The following TOX3 variants were observed in gnomAD, a reference collection of about 807,000 sequenced individuals.
TOX3 encodes the protein TOX high mobility group box family member 3, also known as CAG trinucleotide repeat-containing gene F9 protein.
TOX3 carries 22 observed loss-of-function variants against 64.3 expected under a neutral mutation model. The ratio of observed to expected loss-of-function variants is 0.34; its 90% CI spans 0.24 to 0.49. The LOEUF (loss-of-function observed/expected upper bound fraction) is 0.49. Ranked by LOEUF, TOX3 falls within the 20% of genes least tolerant of loss-of-function variation. The probability of loss-of-function intolerance (pLI) is 0.99; values close to 1 mark genes in which losing one functional copy is unlikely to be tolerated. For synonymous variants in TOX3, 291 were observed against 273.6 expected, an observed-to-expected ratio of 1.06 and a Z score of -0.63; for missense variants, 661 against 714.4, an observed-to-expected ratio of 0.93 and a Z score of 0.85.
intron 1 of TOX3, among the ~76,000 whole-genome samples, chr16:52,489,717 C>G (rs1364664339): frequency 6.6e-6 from 1 of 152,168 alleles, no homozygotes; most frequent in African/African-American, 2.4e-5. Flanking sequence ...GGATGACTTA[C>G]TACCAACTTA....
At chr16:52,468,059 T>C (rs1450614654) in intron 2 of TOX3, among the ~76,000 whole-genome samples, 1 of 152,166 alleles carries the variant, frequency 6.6e-6, no homozygotes, top group Non-Finnish European at 1.5e-5. Flanking sequence ...GAAACTATAA[T>C]ACTCTTCTGT....
intron 1 of TOX3, among the ~76,000 whole-genome samples, chr16:52,533,034 A>G (rs1962882669): frequency 6.6e-6 from 1 of 152,228 alleles, no homozygotes; most frequent in Non-Finnish European, 1.5e-5. Context: ...TAACGTAACA[A>G]GGAATAGAAG....
At chr16:52,512,847 C>T (rs1007493127) in intron 1 of TOX3, among the ~76,000 whole-genome samples, 3 of 152,022 alleles carry the variant, frequency 2.0e-5, no homozygotes, top group Non-Finnish European at 4.4e-5. Flanking sequence ...GAAAAGAAGG[C>T]TTAAACAAAG....
chr16:52,442,518 T>C (rs1227563506), intron 6 of TOX3, among the ~76,000 whole-genome samples: 1 of 152,220 alleles, frequency 6.6e-6, no homozygotes, highest in East Asian at 1.9e-4. Context: ...CAGTCCTCAC[T>C]ATCGTGGAGG....
chr16:52,539,883 G>T (rs144735353), intron 1 of TOX3, among the ~76,000 whole-genome samples: 1 of 152,088 alleles, frequency 6.6e-6, no homozygotes, highest in East Asian at 1.9e-4. Flanking sequence ...CTTCCAGTCG[G>T]GAGGTTCTGT....
intron 1 of TOX3, among the ~76,000 whole-genome samples, chr16:52,542,794 C>A (rs894463764): frequency 2.0e-5 from 3 of 152,082 alleles, no homozygotes; most frequent in Non-Finnish European, 4.4e-5. Context: ...CAATCAAATT[C>A]CCCCCAATAT....
intron 1 of TOX3, among the ~76,000 whole-genome samples, chr16:52,511,665 T>C (rs528999217): frequency 5.6e-4 from 85 of 152,334 alleles, no homozygotes; most frequent in Middle Eastern, 3.4e-3. Context: ...AGCATTTTTC[T>C]TTTTGTGTGT....
At chr16:52,469,996 C>T (rs1231623399) in intron 1 of TOX3, among the ~76,000 whole-genome samples, 1 of 152,150 alleles carries the variant, frequency 6.6e-6, no homozygotes. Context: ...GAGCACTCAG[C>T]TTCATTTAGG....
intron 3 of TOX3, among the ~76,000 whole-genome samples, chr16:52,456,830 G>C (rs1960532146): frequency 6.6e-6 from 1 of 152,046 alleles, no homozygotes; most frequent in African/African-American, 2.4e-5. Context: ...TGGATACTGG[G>C]GCCTGCCTAA....
intron 1 of TOX3, among the ~76,000 whole-genome samples, chr16:52,486,433 A>G (rs963201000): frequency 6.6e-6 from 1 of 152,228 alleles, no homozygotes; most frequent in Non-Finnish European, 1.5e-5. Flanking sequence ...ACACTTTGGT[A>G]TTTATCAAAA....
intron 1 of TOX3, among the ~76,000 whole-genome samples, chr16:52,505,224 A>C (rs1490502466): frequency 6.6e-6 from 1 of 152,146 alleles, no homozygotes; most frequent in Non-Finnish European, 1.5e-5. Flanking sequence ...GATTCCCTGA[A>C]CCTTCTCATT....
intron 4 of TOX3, among the ~76,000 whole-genome samples, chr16:52,450,053 C>T (rs1214315545): frequency 1.3e-5 from 2 of 152,178 alleles, no homozygotes; most frequent in African/African-American, 4.8e-5. Flanking sequence ...ATGTCCAATG[C>T]CTTACAGCTA....
At position 52,437,789 on chromosome 16, in the gene TOX3, T is replaced by TAAAAAAAAAA. The variant is rs67145443; in HGVS notation, c.*1426_*1435dup. ...CTATACTTACCTTGTACTTGCATCT[T>TAAAAAAAAAA]AAAAAAAAAAAAAAAAAAAAAAAAG... is the stretch of plus-strand genomic sequence containing the variant. On this transcript the variant is annotated 3_prime_UTR_variant, in exon 7 of 7. Transcript: ENST00000219746. Among the ~76,000 whole-genome samples, 1 of 111,366 alleles carries TAAAAAAAAAA rather than the reference T, an allele frequency of 9.0e-6. No individual in the cohort carries two copies. The highest frequency in any genetic ancestry group is 1.8e-5 in the Non-Finnish European group (1 of 54,782). The allele number at this position is 111,366 out of a possible 152,430, so 73.1% of individuals were successfully genotyped here.
At chr16:52,477,059 G>C (rs1479099774) in intron 1 of TOX3, among the ~76,000 whole-genome samples, 1 of 152,180 alleles carries the variant, frequency 6.6e-6, no homozygotes, top group African/African-American at 2.4e-5. Context: ...TTTGGGATAT[G>C]AATGATCCCA....
At chr16:52,447,152 A>G (rs1960186917) in intron 4 of TOX3, among the ~76,000 whole-genome samples, 1 of 152,194 alleles carries the variant, frequency 6.6e-6, no homozygotes, top group Non-Finnish European at 1.5e-5. Flanking sequence ...ATCATTTAAC[A>G]TACTTATCAG....
chr16:52,454,613 G>A (rs1410523072), intron 3 of TOX3, among the ~76,000 whole-genome samples: 3 of 152,142 alleles, frequency 2.0e-5, no homozygotes, highest in African/African-American at 2.4e-5. Context: ...ATCCTCAACA[G>A]CTCCAATCAT....
chr16:52,488,718 C>T (rs924023403), intron 1 of TOX3, among the ~76,000 whole-genome samples: 3 of 152,154 alleles, frequency 2.0e-5, no homozygotes, highest in Non-Finnish European at 2.9e-5. Context: ...ATGATTGACT[C>T]ATTTATTCAA....
Position 52,438,982 on chromosome 16 carries a change from A to C in TOX3, c.*243T>G, listed in dbSNP as rs956974376. 1.5e-6 allele frequency: 1 copy of C among 680,098 alleles called. No homozygotes were observed. Among genetic ancestry groups the C allele is most frequent in the Non-Finnish European group, 2.7e-6 (1 of 367,884 alleles). 42.1% of individuals were successfully genotyped at this position (680,098 alleles called of 1,614,324 possible). A position where few individuals can be genotyped will look rare whatever the true frequency, so the allele number is the denominator to read the frequency against. Reference sequence around the variant, plus strand: ...TAGGTATAGCCTGAATAAATAAAAAAGGCATCACATAAAAGAGCACAGCTT... The same window carrying C: ...TAGGTATAGCCTGAATAAATAAAAACGGCATCACATAAAAGAGCACAGCTT... On this transcript the variant is annotated 3_prime_UTR_variant, in exon 7 of 7. Transcript: ENST00000219746.
chr16:52,519,978 A>G (rs992099321), intron 1 of TOX3, among the ~76,000 whole-genome samples: 1 of 27,858 alleles, frequency 3.6e-5, no homozygotes, highest in Non-Finnish European at 5.5e-5. Flanking sequence ...CTCAAAAACA[A>G]AAAAAAAAAA....
Sources: gnomAD v4.1 joint callset for allele counts (sites outside exome capture counted in the v4.1 genomes callset) on GRCh38, gnomAD v4.1.1 for gene constraint, MANE v1.5 for transcripts, NCBI Gene and HGNC (gene_info 2026-07-23, HGNC 2026-07-21) for gene names.